Variants in NKAIN2 observed in about 807,000 individuals in gnomAD.
NKAIN2 encodes sodium/potassium transporting ATPase interacting 2, also known as sodium/potassium-transporting ATPase subunit beta-1-interacting protein 2.
NKAIN2 carries 14 observed loss-of-function variants against 32.6 expected under a neutral mutation model. The observed-to-expected ratio is 0.43, with a 90% confidence interval of 0.28 to 0.67. The LOEUF is 0.67. Among genes scored for constraint, NKAIN2 ranks in the 30% least tolerant of loss-of-function variants. NKAIN2 has a pLI of 0.17. For synonymous variants in NKAIN2, 80 were observed against 87.2 expected, an observed-to-expected ratio of 0.92 and a Z score of 0.46; for missense variants, 198 against 258.3, an observed-to-expected ratio of 0.77 and a Z score of 1.60.
intron 2 of NKAIN2, among the ~76,000 whole-genome samples, chr6:124,291,943 C>A (rs761903423): frequency 6.6e-6 from 1 of 151,848 alleles, no homozygotes; most frequent in Non-Finnish European, 1.5e-5. Context: ...AGTTGTCAAA[C>A]CTTCAGAGGG....
intron 2 of NKAIN2, among the ~76,000 whole-genome samples, chr6:124,349,317 C>T (rs1298373004): frequency 1.3e-5 from 2 of 152,214 alleles, no homozygotes; most frequent in East Asian, 3.9e-4. Context: ...CGGGAACTTC[C>T]CGAGGCTCCA....
intron 1 of NKAIN2, among the ~76,000 whole-genome samples, chr6:124,279,789 C>G (rs73565625): frequency 6.6e-6 from 1 of 151,824 alleles, no homozygotes; most frequent in Admixed American, 6.6e-5. Context: ...TGATCGAATA[C>G]TCAATCTAAT....
intron 1 of NKAIN2, among the ~76,000 whole-genome samples, chr6:124,135,467 G>C (rs1786718578): frequency 7.1e-6 from 1 of 141,042 alleles, no homozygotes; most frequent in African/African-American, 2.6e-5. Context: ...AATCAAGCAG[G>C]AGTAGCTATT....
At chr6:124,637,960 G>A (rs1783834662) in intron 3 of NKAIN2, among the ~76,000 whole-genome samples, 1 of 151,998 alleles carries the variant, frequency 6.6e-6, no homozygotes, top group African/African-American at 2.4e-5. Context: ...AGCAATTCTG[G>A]GGAAAACAAA....
intron 1 of NKAIN2, among the ~76,000 whole-genome samples, chr6:124,235,524 TA>T (rs1412174999): frequency 2.0e-5 from 3 of 151,966 alleles, no homozygotes; most frequent in African/African-American, 7.2e-5. Flanking sequence ...AAATTTTGCA[TA>T]TGAGGGAAAA....
intron 1 of NKAIN2, among the ~76,000 whole-genome samples, chr6:124,214,254 G>A (rs185868155): frequency 1.3e-5 from 2 of 152,076 alleles, no homozygotes; most frequent in Non-Finnish European, 2.9e-5. Context: ...CTACCACATA[G>A]ATGTAAAGAT....
At chr6:124,190,100 C>T (rs755082863) in intron 1 of NKAIN2, among the ~76,000 whole-genome samples, 18 of 152,196 alleles carry the variant, frequency 1.2e-4, no homozygotes, top group Non-Finnish European at 1.0e-4. Context: ...CCATAGTAAA[C>T]AATTCAGACC....
chr6:124,475,113 G>A (rs879807971), intron 3 of NKAIN2, among the ~76,000 whole-genome samples: 16 of 151,768 alleles, frequency 1.1e-4, no homozygotes, highest in Non-Finnish European at 4.4e-5. Context: ...TGAAAGACTT[G>A]ATGGATTTCT....
chr6:123,948,109 T>A (rs1554227752), intron 1 of NKAIN2, among the ~76,000 whole-genome samples: 1 of 152,156 alleles, frequency 6.6e-6, no homozygotes, highest in Non-Finnish European at 1.5e-5. Flanking sequence ...CATTCTTTTC[T>A]TATGGCTGAA....
chr6:124,415,980 C>A (rs1010203028), intron 3 of NKAIN2, among the ~76,000 whole-genome samples: 1 of 140,166 alleles, frequency 7.1e-6, no homozygotes, highest in Non-Finnish European at 1.5e-5. Flanking sequence ...TGGTTATAGT[C>A]CTGCATGTCC....
rs141964403 is a variant in NKAIN2 at position 123,832,805 on chromosome 6, A to G, written c.54+28551A>G. Among the ~76,000 whole-genome samples the G allele has an allele frequency of 3.3e-5, 5 of 152,262 alleles. 1 individual carries two copies. The East Asian group carries it at 9.6e-4, about 29-fold the overall frequency. ...AGGTGTCTATTAAAGTTTCTGACCC[A>G]CTTTTAAATTATGTTGTTTGTTTTC... is the stretch of plus-strand genomic sequence containing the variant. On this transcript the variant is annotated intron_variant, in intron 1 of 6. Coordinates refer to ENST00000368417, the MANE Select transcript of NKAIN2 (RefSeq NM_001040214.3).
At chr6:124,548,671 AAAG>A (rs753508199) in intron 3 of NKAIN2, among the ~76,000 whole-genome samples, 4 of 152,216 alleles carry the variant, frequency 2.6e-5, no homozygotes, top group East Asian at 3.9e-4. Flanking sequence ...ATTACAGAGA[AAAG>A]AAGACAGTCA....
In NKAIN2 at chr6:123,817,402, C is replaced by T. The variant is rs73770285; in HGVS notation, c.54+13148C>T. Among the ~76,000 whole-genome samples, 1,216 of 152,152 alleles carry T rather than the reference C, an allele frequency of 8.0e-3. 18 individuals carry two copies. Among genetic ancestry groups the T allele is most frequent in the African/African-American group, 0.028 (1,178 of 41,512 alleles). On this transcript the variant is annotated intron_variant, in intron 1 of 6. Coordinates refer to ENST00000368417, the MANE Select transcript of NKAIN2 (RefSeq NM_001040214.3). ...TCAGATTGCAAAATAGTCCCTTTGT[C>T]GAGATCCTCTGAGCTAATGTAAAGA...
At chr6:123,839,728 T>C (rs2114932166) in intron 1 of NKAIN2, among the ~76,000 whole-genome samples, 1 of 152,296 alleles carries the variant, frequency 6.6e-6, no homozygotes, top group Admixed American at 6.5e-5. Flanking sequence ...GGTTATATGT[T>C]ATTTCCAGTC....
intron 1 of NKAIN2, among the ~76,000 whole-genome samples, chr6:124,023,332 AT>A (rs1780958338): frequency 1.3e-5 from 2 of 152,074 alleles, no homozygotes; most frequent in African/African-American, 2.4e-5. Context: ...TTCCTCTCTT[AT>A]CTGGCTCACT....
chr6:124,479,192 G>T (rs1777349803), intron 3 of NKAIN2, among the ~76,000 whole-genome samples: 4 of 152,088 alleles, frequency 2.6e-5, no homozygotes. Flanking sequence ...TGGTATCATG[G>T]ATGAGACCCT....
At chr6:123,977,625 C>G (rs1377765459) in intron 1 of NKAIN2, among the ~76,000 whole-genome samples, 1 of 152,122 alleles carries the variant, frequency 6.6e-6, no homozygotes, top group Admixed American at 6.6e-5. Context: ...TGTGTCTTAT[C>G]CGGAGCCCTT....
In NKAIN2 at chr6:124,661,905, G is replaced by A. The variant is rs1048616678; in HGVS notation, c.474+3519G>A. ...AAAATTAATCGGATCCTTTCAATGT[G>A]TGATTGGAACAGCATGGATTATAAA... On this transcript the variant is annotated intron_variant, in intron 4 of 6. Coordinates refer to ENST00000368417, the MANE Select transcript of NKAIN2 (RefSeq NM_001040214.3). Among the ~76,000 whole-genome samples, 13 of 140,990 alleles carry A rather than the reference G, an allele frequency of 9.2e-5. No individual in the cohort carries two copies. In the South Asian group the frequency reaches 1.4e-3, roughly 15 times the overall value. 92.5% of individuals were successfully genotyped at this position (140,990 alleles called of 152,430 possible). A position where few individuals can be genotyped will look rare whatever the true frequency, so the allele number is the denominator to read the frequency against.
chr6:124,254,386 T>A (rs1356552305), intron 1 of NKAIN2, among the ~76,000 whole-genome samples: 2 of 152,242 alleles, frequency 1.3e-5, no homozygotes, highest in East Asian at 3.8e-4. Context: ...TACTTTGTTT[T>A]ATGAAGAGAC....
Sources: gnomAD v4.1 joint callset for allele counts (sites outside exome capture counted in the v4.1 genomes callset) on GRCh38, gnomAD v4.1.1 for gene constraint, MANE v1.5 for transcripts, NCBI Gene and HGNC (gene_info 2026-07-23, HGNC 2026-07-21) for gene names.